The following PPP1R36 variants were observed in gnomAD, a reference collection of about 807,000 sequenced individuals.
PPP1R36 encodes the protein chromosome 14 open reading frame 50.
In PPP1R36, 47 loss-of-function variants were observed where a neutral mutation model predicts 53.4. The observed-to-expected ratio is 0.88, with a 90% confidence interval of 0.70 to 1.12. PPP1R36 has a LOEUF of 1.12. PPP1R36 is among the 50% of genes most tolerant of loss of function. The pLI is 0.00. For synonymous variants in PPP1R36, 153 were observed against 170.5 expected (o/e 0.90, Z 0.80); for missense variants, 456 against 513.9 (o/e 0.89, Z 1.09).
Position 64,564,755 on chromosome 14 carries a change from A to C in PPP1R36, c.187A>C (p.Thr63Pro). 2 of 1,607,704 alleles carry C rather than the reference A, an allele frequency of 1.2e-6. No homozygotes were observed. The highest frequency in any genetic ancestry group is 1.7e-6 in the Non-Finnish European group (2 of 1,177,604). The change falls in exon 4 of 12, where the codon ACA (threonine) becomes CCA (proline). Residue 63 changes from threonine to proline, a missense_variant. Physicochemically the swap from Thr to Pro is conservative, Grantham distance 38. Coordinates refer to ENST00000298705, the MANE Select transcript of PPP1R36 (RefSeq NM_172365.3). ...QWLLKHHPHFTPAAEVKEKGK... is the reference protein window; with the variant it reads ...QWLLKHHPHFPPAAEVKEKGK... ...ATTATCTCATTTTTATTGCAGTTTTACACCTGCAGCAGAAGTCAAGGAAAA... is the reference window on the plus strand; with the variant it reads ...ATTATCTCATTTTTATTGCAGTTTTCCACCTGCAGCAGAAGTCAAGGAAAA...
rs1259990259 is a variant in PPP1R36, at chr14:64,587,193, G to T, written c.712-1G>T. On this transcript the variant is annotated splice_acceptor_variant, in intron 9 of 11. Transcript: ENST00000298705. LOFTEE classifies it high-confidence loss of function. ...TGATTCTTGTCTATTTTTTGTTGTA[G>T]TCCTTTTATACTTTCTGTACATATG... 1 of 1,597,186 alleles carries T rather than the reference G, an allele frequency of 6.3e-7. No individual in the cohort carries two copies. Among genetic ancestry groups the T allele is most frequent in the South Asian group, 1.1e-5 (1 of 88,084 alleles).
chr14:64,562,288 C>T (rs573260111), intron 3 of PPP1R36, among the ~76,000 whole-genome samples: 1 of 152,188 alleles, frequency 6.6e-6, no homozygotes, highest in Non-Finnish European at 1.5e-5. Context: ...TGGTGAAACC[C>T]CATCTCTACT....
chr14:64,587,013 T>C (rs2080438712), intron 9 of PPP1R36, 134 bp downstream of exon 9: 1 of 809,736 alleles, frequency 1.2e-6, no homozygotes, highest in Admixed American at 2.7e-5. Flanking sequence ...TGCTATACCT[T>C]AAATTGTTGG....
intron 3 of PPP1R36, among the ~76,000 whole-genome samples, chr14:64,557,376 T>C (rs2080164337): frequency 6.6e-6 from 1 of 152,034 alleles, no homozygotes; most frequent in East Asian, 1.9e-4. Context: ...CTGATGTAGG[T>C]TGGGAGTCCC....
intron 3 of PPP1R36, among the ~76,000 whole-genome samples, chr14:64,559,940 T>G (rs916993038): frequency 6.7e-6 from 1 of 150,318 alleles, no homozygotes; most frequent in Non-Finnish European, 1.5e-5. Context: ...CCATCTCTAA[T>G]GAAAATACAA....
At chr14:64,554,142 GTTTTTTTTTTTTT>G (rs367753961) in intron 3 of PPP1R36, among the ~76,000 whole-genome samples, 4 of 65,260 alleles carry the variant, frequency 6.1e-5, no homozygotes, top group Non-Finnish European at 9.3e-5. Flanking sequence ...CATCACAATT[GTTTTTTTTTTTTT>G]TTTTTTTTTT....
chr14:64,556,118 T>C (rs1012423901), intron 3 of PPP1R36, among the ~76,000 whole-genome samples: 1 of 144,718 alleles, frequency 6.9e-6, no homozygotes, highest in Non-Finnish European at 1.5e-5. Flanking sequence ...CTGAAGTCTT[T>C]GTAGATTGAT....
At chr14:64,555,854 C>A (rs1414501182) in intron 3 of PPP1R36, among the ~76,000 whole-genome samples, 3 of 151,384 alleles carry the variant, frequency 2.0e-5, no homozygotes, top group African/African-American at 7.3e-5. Context: ...TCCCCTCTCT[C>A]TCTCTACACA....
chr14:64,571,875 A>T (rs1488425518), intron 7 of PPP1R36, among the ~76,000 whole-genome samples: 2 of 152,042 alleles, frequency 1.3e-5, no homozygotes, highest in African/African-American at 4.8e-5. Flanking sequence ...GCAGGGGAAC[A>T]CCCCTCATAA....
intron 6 of PPP1R36, among the ~76,000 whole-genome samples, chr14:64,567,443 G>A (rs1482774594): frequency 1.3e-5 from 2 of 152,144 alleles, no homozygotes; most frequent in African/African-American, 4.8e-5. Context: ...TTAAAAGAAA[G>A]ACGGAAATCT....
intron 3 of PPP1R36, among the ~76,000 whole-genome samples, chr14:64,563,335 A>T (rs531166579): frequency 6.6e-6 from 1 of 152,060 alleles, no homozygotes; most frequent in African/African-American, 2.4e-5. Flanking sequence ...CTCCATCCCC[A>T]GTATTTTAGC....
At chr14:64,566,299 C>T (rs2080255593) in intron 6 of PPP1R36, among the ~76,000 whole-genome samples, 1 of 151,492 alleles carries the variant, frequency 6.6e-6, no homozygotes, top group African/African-American at 2.4e-5. Context: ...AAACATTAGC[C>T]AGGCGTGGTG....
chr14:64,589,373 G>T lies in PPP1R36; in HGVS notation c.*35G>T. On this transcript the variant is annotated 3_prime_UTR_variant, in exon 12 of 12. Transcript: ENST00000298705. ...TTCCATATCTCAAGTAAACTACTTT[G>T]ACTTTATAGAAGATGGTTATTCGTT... The T allele has an allele frequency of 6.9e-7, 1 of 1,438,870 alleles. No homozygotes were observed. The highest frequency in any genetic ancestry group is 1.3e-5 in the South Asian group (1 of 76,562). The allele number at this position is 1,438,870 out of a possible 1,614,324, so 89.1% of individuals were successfully genotyped here.
chr14:64,569,275 C>T (rs529575079), intron 7 of PPP1R36, among the ~76,000 whole-genome samples: 82 of 152,144 alleles, frequency 5.4e-4, no homozygotes, highest in Admixed American at 1.4e-3. Flanking sequence ...CTGCCCTCCC[C>T]AGTACGTGTG....
chr14:64,565,665 G>C lies in PPP1R36; in HGVS notation c.407G>C (p.Arg136Pro), dbSNP rs753084767. The C allele has an allele frequency of 6.2e-7, 1 of 1,613,498 alleles. No homozygotes were observed. The highest frequency in any genetic ancestry group is 8.5e-7 in the Non-Finnish European group (1 of 1,179,564). ...LLLLQDTEMQ[R>P]ICSFTTFMRN... ...TTGCTACAAGATACTGAGATGCAGC[G>C]GATCTGTTCTTTTACAACATTTATG... Residue 136 changes from arginine to proline, a missense_variant, in exon 6 of 12, where the codon CGG becomes CCG. By Grantham distance (103) the Arg-to-Pro change is moderately radical. Coordinates refer to ENST00000298705, the MANE Select transcript of PPP1R36 (RefSeq NM_172365.3).
At chr14:64,550,866 A>G (rs2080088784) in intron 1 of PPP1R36, 55 bp from the exon 2 acceptor site, 3 of 1,295,456 alleles carry the variant, frequency 2.3e-6, no homozygotes, top group South Asian at 2.5e-5. Context: ...ATTGTGGCAT[A>G]TGGATTGTAA....
rs149173684 is a variant in PPP1R36 at position 64,574,544 on chromosome 14, T to C, written c.623T>C (p.Val208Ala). The C allele has an allele frequency of 6.5e-4, 1,051 of 1,613,986 alleles. 2 individuals are homozygous for C. Among genetic ancestry groups the C allele is most frequent in the Non-Finnish European group, 8.1e-4 (953 of 1,179,982 alleles). The part of the protein sequence containing the change: ...RYLAQKYCIL[V>A]LGLAVPDKHH... The stretch of plus-strand genomic sequence containing the variant: ...TTGGCGCAGAAGTACTGTATCCTTG[T>C]GCTGGGCTTGGCCGTGCCGGATAAG... The change falls in exon 8 of 12, where the codon GTG (valine) becomes GCG (alanine). Residue 208 changes from valine to alanine, a missense_variant. Physicochemically the swap from Val to Ala is moderately conservative, Grantham distance 64. Transcript: ENST00000298705.
intron 3 of PPP1R36, among the ~76,000 whole-genome samples, chr14:64,554,142 G>A (rs112022582): frequency 1.2e-4 from 8 of 65,260 alleles, no homozygotes; most frequent in Non-Finnish European, 1.9e-4. Flanking sequence ...CATCACAATT[G>A]TTTTTTTTTT....
intron 8 of PPP1R36, among the ~76,000 whole-genome samples, chr14:64,578,105 C>T (rs1308921477): frequency 6.6e-6 from 1 of 151,910 alleles, no homozygotes; most frequent in Non-Finnish European, 1.5e-5. Context: ...ACAAACTCTG[C>T]TACCACGCCT....
Sources: allele counts gnomAD v4.1 joint callset (sites outside exome capture counted in the v4.1 genomes callset), GRCh38; gene constraint gnomAD v4.1.1; transcripts MANE v1.5; gene names NCBI Gene and HGNC (gene_info 2026-07-23, HGNC 2026-07-21).